KCNAB1: variants seen among roughly 807,000 people sequenced by gnomAD.
KCNAB1 encodes potassium voltage-gated channel subfamily A regulatory beta subunit 1, also known as voltage-gated potassium channel subunit beta-1.
KCNAB1 carries 35 observed loss-of-function variants against 64.6 expected under a neutral mutation model. That is an observed-to-expected ratio of 0.54 (90% CI 0.41 to 0.72). The LOEUF is 0.72. KCNAB1 is among the 30% of genes least tolerant of loss of function. KCNAB1 has a pLI of 0.00. For missense variants in KCNAB1, 401 were observed against 512.9 expected (o/e 0.78, Z 2.11); for synonymous variants, 177 against 183.8 (o/e 0.96, Z 0.30).
intron 1 of KCNAB1, among the ~76,000 whole-genome samples, chr3:156,129,623 T>C (rs1359678808): frequency 6.6e-6 from 1 of 152,218 alleles, no homozygotes; most frequent in Non-Finnish European, 1.5e-5. Context: ...TACATATTCA[T>C]AGAGTTGAGA....
intron 1 of KCNAB1, among the ~76,000 whole-genome samples, chr3:156,350,784 C>A (rs1195678754): frequency 1.3e-5 from 2 of 152,190 alleles, no homozygotes; most frequent in Non-Finnish European, 2.9e-5. Flanking sequence ...TTGTGTAATG[C>A]CAGAGATCCT....
At chr3:156,182,695 A>ATTTTTTTTTTTTTTTTTTTTTTTTTTTTT (rs10624040) in intron 1 of KCNAB1, among the ~76,000 whole-genome samples, 1 of 132,720 alleles carries the variant, frequency 7.5e-6, no homozygotes, top group Non-Finnish European at 1.6e-5. Flanking sequence ...AAGTAAGACA[A>ATTTTTTTTTTTTTTTTTTTTTTTTTTTTT]TTTTTTTTTT....
intron 12 of KCNAB1, among the ~76,000 whole-genome samples, chr3:156,530,545 C>T (rs1035521490): frequency 2.0e-5 from 3 of 152,140 alleles, no homozygotes; most frequent in Non-Finnish European, 2.9e-5. Context: ...GGAGGGAAGA[C>T]GTGAACGCAT....
intron 8 of KCNAB1, 22 bp from the exon 9 acceptor site, chr3:156,514,342 C>T (rs1351657940): frequency 1.3e-6 from 2 of 1,589,200 alleles, no homozygotes; most frequent in African/African-American, 1.3e-5. Flanking sequence ...TCATGAAATG[C>T]TGTCTGTTTG....
chr3:156,374,340 G>A lies in KCNAB1; in HGVS notation c.276-47276G>A, dbSNP rs116156504. The stretch of plus-strand genomic sequence containing the variant: ...CTATTGTGAGAAATAAAGGAATGGA[G>A]AGGAGCGAAAAACTAACTTTGGTCT... On this transcript the variant is annotated intron_variant, in intron 1 of 13. Transcript: ENST00000490337. Among the ~76,000 whole-genome samples, 883 of 152,310 alleles carry A rather than the reference G, an allele frequency of 5.8e-3. 7 individuals are homozygous for A. The highest frequency in any genetic ancestry group is 0.019 in the African/African-American group (802 of 41,556).
chr3:156,424,337 G>GT (rs1264539639), intron 2 of KCNAB1, among the ~76,000 whole-genome samples: 1 of 152,162 alleles, frequency 6.6e-6, no homozygotes, highest in African/African-American at 2.4e-5. Context: ...CAATGTCTGA[G>GT]TTTTTCTGAT....
rs1029422036 is a variant in KCNAB1, at chr3:156,373,598, A to T, written c.276-48018A>T. On this transcript the variant is annotated intron_variant, in intron 1 of 13. Transcript: ENST00000490337. ...ATGTAAAATAGTTGTTAATCACAGG[A>T]TAACAAAATACTTTTTTTTAAGAAA... Among the ~76,000 whole-genome samples, 65 of 152,390 alleles carry T rather than the reference A, an allele frequency of 4.3e-4. No homozygotes were observed. The Middle Eastern group carries it at 0.01, about 24-fold the overall frequency.
At chr3:156,397,651 AC>A (rs1312496060) in intron 1 of KCNAB1, among the ~76,000 whole-genome samples, 1 of 151,846 alleles carries the variant, frequency 6.6e-6, no homozygotes, top group Non-Finnish European at 1.5e-5. Context: ...AAATTACTTT[AC>A]TTTGGTGTAT....
chr3:156,401,683 C>T (rs114510335), intron 1 of KCNAB1, among the ~76,000 whole-genome samples: 1 of 152,158 alleles, frequency 6.6e-6, no homozygotes, highest in African/African-American at 2.4e-5. Flanking sequence ...TGAAATCTGC[C>T]TTTTCTCTTT....
chr3:156,323,879 G>A (rs1722819146), intron 1 of KCNAB1, among the ~76,000 whole-genome samples: 1 of 152,078 alleles, frequency 6.6e-6, no homozygotes, highest in African/African-American at 2.4e-5. Flanking sequence ...AATTATTATG[G>A]AAATGGCTTT....
intron 1 of KCNAB1, among the ~76,000 whole-genome samples, chr3:156,390,670 C>A (rs1414305873): frequency 6.6e-6 from 1 of 152,062 alleles, no homozygotes; most frequent in African/African-American, 2.4e-5. Flanking sequence ...TCAAGCTCTG[C>A]CTCCTGGGTT....
rs973087462 is a variant in KCNAB1 at position 156,400,029 on chromosome 3, G to A, written c.276-21587G>A. Among the ~76,000 whole-genome samples the A allele has an allele frequency of 2.1e-4, 32 of 152,098 alleles. 3 individuals are homozygous for A. Among genetic ancestry groups the A allele is most frequent in the Admixed American group, 2.0e-3 (30 of 15,264 alleles). On this transcript the variant is annotated intron_variant, in intron 1 of 13. Transcript: ENST00000490337. ...GGGGGTCCTCTTTATGGTGGCCACG[G>A]TTCTAAACACCTGAGAGTTGAGATG...
At chr3:156,284,874 C>T (rs890168694) in intron 1 of KCNAB1, among the ~76,000 whole-genome samples, 1 of 152,178 alleles carries the variant, frequency 6.6e-6, no homozygotes, top group Non-Finnish European at 1.5e-5. Flanking sequence ...TCTGGCACTC[C>T]CTAGTGAGAT....
intron 1 of KCNAB1, among the ~76,000 whole-genome samples, chr3:156,177,983 G>A (rs1048206915): frequency 1.3e-5 from 2 of 152,116 alleles, no homozygotes; most frequent in Non-Finnish European, 2.9e-5. Flanking sequence ...TGATCCACCC[G>A]CCTTGGCCTC....
rs897682653 is a variant in KCNAB1, at chr3:156,522,105, A to G, written c.961-1722A>G. On this transcript the variant is annotated intron_variant, in intron 11 of 13. Coordinates refer to ENST00000490337, the MANE Select transcript of KCNAB1 (RefSeq NM_172160.3). Reference sequence around the variant, plus strand: ...TGCATACAAGATTTCAAAAACGGAAAAGTTACAAAAGATTGATTGATAAAC... The same window carrying G: ...TGCATACAAGATTTCAAAAACGGAAGAGTTACAAAAGATTGATTGATAAAC... Among the ~76,000 whole-genome samples the G allele has an allele frequency of 1.8e-4, 8 of 44,850 alleles. 1 individual carries two copies. Among genetic ancestry groups the G allele is most frequent in the African/African-American group, 4.8e-4 (8 of 16,514 alleles). 29.4% of individuals were successfully genotyped at this position (44,850 alleles called of 152,430 possible).
chr3:156,396,125 A>C (rs1286514704), intron 1 of KCNAB1, among the ~76,000 whole-genome samples: 3 of 152,202 alleles, frequency 2.0e-5, no homozygotes, highest in Non-Finnish European at 4.4e-5. Context: ...GAAAGGCTTA[A>C]GAACACTCCT....
In KCNAB1 at chr3:156,233,892, A is replaced by G. The variant is rs575501738; in HGVS notation, c.275+113006A>G. 1.4e-3 allele frequency among the ~76,000 whole-genome samples: 208 copies of G among 152,062 alleles called. 1 individual carries two copies. The highest frequency in any genetic ancestry group is 5.0e-3 in the African/African-American group (207 of 41,472). On this transcript the variant is annotated intron_variant, in intron 1 of 13. Coordinates refer to ENST00000490337, the MANE Select transcript of KCNAB1 (RefSeq NM_172160.3). ...TTTCTTGAGGAAAGAAGACTGTGGGAAAAGAGTTAGAGTAGGAGCAGGAAC... is the reference window on the plus strand; with the variant it reads ...TTTCTTGAGGAAAGAAGACTGTGGGGAAAGAGTTAGAGTAGGAGCAGGAAC...
intron 1 of KCNAB1, among the ~76,000 whole-genome samples, chr3:156,248,816 G>C (rs1717628465): frequency 6.6e-6 from 1 of 152,150 alleles, no homozygotes; most frequent in South Asian, 2.1e-4. Flanking sequence ...AGCTCCACGT[G>C]ATATGAGCCC....
chr3:156,212,428 A>G (rs1162071891), intron 1 of KCNAB1, among the ~76,000 whole-genome samples: 2 of 152,208 alleles, frequency 1.3e-5, no homozygotes, highest in Non-Finnish European at 2.9e-5. Flanking sequence ...TCATTCCACA[A>G]TCAAGAGCTA....
Sources: allele counts gnomAD v4.1 joint callset (sites outside exome capture counted in the v4.1 genomes callset), GRCh38; gene constraint gnomAD v4.1.1; transcripts MANE v1.5; gene names NCBI Gene and HGNC (gene_info 2026-07-23, HGNC 2026-07-21).